MOB3B: variants seen among roughly 807,000 people sequenced by gnomAD.
MOB3B encodes MOB kinase activator 3B, also known as MOB kinase activator-like 2B.
In MOB3B, 7 loss-of-function variants were observed where a neutral mutation model predicts 18.7. The observed-to-expected ratio is 0.37, with a 90% CI of 0.21 to 0.70. MOB3B has a LOEUF of 0.70. MOB3B is among the 30% of genes least tolerant of loss of function. The pLI, the probability that MOB3B is intolerant of heterozygous loss-of-function variation, is 0.52. For synonymous variants in MOB3B, 111 were observed against 99.9 expected (o/e 1.11, Z -0.66); for missense variants, 253 against 281.3 (o/e 0.90, Z 0.72).
At chr9:27,519,150 C>A (rs955283065) in intron 1 of MOB3B, among the ~76,000 whole-genome samples, 1 of 152,144 alleles carries the variant, frequency 6.6e-6, no homozygotes, top group African/African-American at 2.4e-5. Flanking sequence ...CTCTCCATAT[C>A]CCTACACAAA....
At chr9:27,338,163 C>T (rs1820889685) in intron 3 of MOB3B, among the ~76,000 whole-genome samples, 1 of 152,180 alleles carries the variant, frequency 6.6e-6, no homozygotes, top group Non-Finnish European at 1.5e-5. Context: ...GATCTGCTTC[C>T]CGCCCCTGTC....
intron 2 of MOB3B, among the ~76,000 whole-genome samples, chr9:27,449,178 C>T (rs1281822400): frequency 5.9e-5 from 9 of 152,142 alleles, no homozygotes; most frequent in Admixed American, 5.2e-4. Flanking sequence ...GAGATGTCAA[C>T]CTGAAGTATT....
chr9:27,471,443 C>T (rs1481696188), intron 1 of MOB3B, among the ~76,000 whole-genome samples: 1 of 152,188 alleles, frequency 6.6e-6, no homozygotes, highest in African/African-American at 2.4e-5. Flanking sequence ...ACCACCCCTG[C>T]GCTTTGTGGC....
chr9:27,447,806 T>C (rs566726039), intron 2 of MOB3B, among the ~76,000 whole-genome samples: 3 of 152,210 alleles, frequency 2.0e-5, no homozygotes, highest in Non-Finnish European at 4.4e-5. Flanking sequence ...ACCATCATAA[T>C]AGACCATCAA....
chr9:27,490,852 T>TGA (rs1819805402), intron 1 of MOB3B, among the ~76,000 whole-genome samples: 1 of 152,048 alleles, frequency 6.6e-6, no homozygotes, highest in Non-Finnish European at 1.5e-5. Flanking sequence ...GTAGGCACAA[T>TGA]GGGTAGCTTA....
In MOB3B at chr9:27,359,040, C is replaced by T; in HGVS notation, c.615G>A (p.Glu205=). 1.2e-6 allele frequency: 2 copies of T among 1,614,148 alleles called. No individual in the cohort carries two copies. The highest frequency in any genetic ancestry group is 8.5e-7 in the Non-Finnish European group (1 of 1,180,004). Residue 205 remains glutamate, a synonymous_variant, in exon 3 of 4, where the codon GAG becomes GAA. Transcript: ENST00000262244. ...ATTTCATGGTGTCACTTACCAAAGGCTCTAGCTCCTTGCGGTCTATGAGGT... is the reference window on the plus strand; with the variant it reads ...ATTTCATGGTGTCACTTACCAAAGGTTCTAGCTCCTTGCGGTCTATGAGGT... ...EMNLIDRKEL[E]PLKEMTSRMC... is the part of the protein sequence containing the mutation.
At chr9:27,417,115 G>GC (rs1285453205) in intron 2 of MOB3B, among the ~76,000 whole-genome samples, 1 of 152,222 alleles carries the variant, frequency 6.6e-6, no homozygotes, top group East Asian at 1.9e-4. Context: ...TGTAATCCCA[G>GC]CACTTTGGGA....
intron 1 of MOB3B, among the ~76,000 whole-genome samples, chr9:27,504,249 A>G (rs1160162003): frequency 6.6e-6 from 1 of 152,230 alleles, no homozygotes; most frequent in Admixed American, 6.5e-5. Context: ...GTCCAGTGAT[A>G]ACAATGCTAC....
intron 2 of MOB3B, among the ~76,000 whole-genome samples, chr9:27,361,646 T>C (rs1821275797): frequency 6.6e-6 from 1 of 152,234 alleles, no homozygotes; most frequent in African/African-American, 2.4e-5. Flanking sequence ...ATTAGCTAAC[T>C]GAGCCCTCAG....
intron 2 of MOB3B, among the ~76,000 whole-genome samples, chr9:27,393,165 C>A (rs1821751898): frequency 6.6e-6 from 1 of 152,166 alleles, no homozygotes; most frequent in South Asian, 2.1e-4. Flanking sequence ...ACAAAATGCA[C>A]AGGGTACAAG....
At position 27,525,437 on chromosome 9, in the gene MOB3B, T is replaced by TC. The variant is rs113013974; in HGVS notation, c.-199+4117dup. Among the ~76,000 whole-genome samples, 484 of 152,284 alleles carry TC rather than the reference T, an allele frequency of 3.2e-3. 3 individuals carry two copies. Among genetic ancestry groups the TC allele is most frequent in the African/African-American group, 0.011 (470 of 41,542 alleles). ...CCCTAGAGTCAATACTCTTGCATTT[T>TC]CCCCCTCCTGCTCGGGGGGAAAAAG... On this transcript the variant is annotated intron_variant, in intron 1 of 3. Coordinates refer to ENST00000262244, the MANE Select transcript of MOB3B (RefSeq NM_024761.5).
chr9:27,445,986 C>T (rs1402135490), intron 2 of MOB3B, among the ~76,000 whole-genome samples: 1 of 152,148 alleles, frequency 6.6e-6, no homozygotes, highest in East Asian at 1.9e-4. Context: ...AAGCCTATTG[C>T]TGCTTTTGAA....
At chr9:27,366,318 C>T (rs1821341682) in intron 2 of MOB3B, among the ~76,000 whole-genome samples, 1 of 152,198 alleles carries the variant, frequency 6.6e-6, no homozygotes, top group Non-Finnish European at 1.5e-5. Context: ...CCTTTCATCT[C>T]TGCCTTAGGA....
At chr9:27,477,990 A>G (rs1162299812) in intron 1 of MOB3B, among the ~76,000 whole-genome samples, 1 of 152,232 alleles carries the variant, frequency 6.6e-6, no homozygotes, top group African/African-American at 2.4e-5. Flanking sequence ...TGCTCCAAGT[A>G]GCTCAGGGAA....
intron 1 of MOB3B, among the ~76,000 whole-genome samples, chr9:27,522,929 T>TA (rs60042853): frequency 0.034 from 5,155 of 151,264 alleles, 109 homozygotes; most frequent in Middle Eastern, 0.068. Flanking sequence ...ATATATATAT[T>TA]TTTTTCCGTA....
rs1820747444 is a variant in MOB3B, at chr9:27,328,830, A to G, written c.*1757T>C. On this transcript the variant is annotated 3_prime_UTR_variant, in exon 4 of 4. Transcript: ENST00000262244. ...GGTCAGATATTCTTTTGGCCAAAAGAGATGTAGGGAAAAAACTTTGCCTAT... is the reference window on the plus strand; with the variant it reads ...GGTCAGATATTCTTTTGGCCAAAAGGGATGTAGGGAAAAAACTTTGCCTAT... The G allele has an allele frequency of 6.6e-6, 1 of 152,600 alleles. No individual in the cohort carries two copies. The allele number at this position is 152,600 out of a possible 1,614,324, so 9.5% of individuals were successfully genotyped here.
intron 1 of MOB3B, among the ~76,000 whole-genome samples, chr9:27,470,114 G>GAAAAAAAAAAAA (rs751414011): frequency 4.0e-5 from 5 of 125,886 alleles, no homozygotes; most frequent in Non-Finnish European, 6.4e-5. Context: ...TCTCTTAAAA[G>GAAAAAAAAAAAA]AAAAAAAAAA....
intron 1 of MOB3B, among the ~76,000 whole-genome samples, chr9:27,478,645 A>C (rs2131474537): frequency 6.6e-6 from 1 of 152,334 alleles, no homozygotes; most frequent in African/African-American, 2.4e-5. Flanking sequence ...ATAAACACAG[A>C]GAGTAAATTG....
At chr9:27,372,217 G>A (rs888739104) in intron 2 of MOB3B, among the ~76,000 whole-genome samples, 2 of 152,108 alleles carry the variant, frequency 1.3e-5, no homozygotes, top group African/African-American at 4.8e-5. Context: ...ACAATGACAG[G>A]GGCGTAGGAG....
Sources: gnomAD v4.1 joint callset for allele counts (sites outside exome capture counted in the v4.1 genomes callset) on GRCh38, gnomAD v4.1.1 for gene constraint, MANE v1.5 for transcripts, NCBI Gene and HGNC (gene_info 2026-07-23, HGNC 2026-07-21) for gene names.